Variants in FPR2 observed in about 807,000 individuals in gnomAD.
FPR2 encodes the protein formyl peptide receptor 2.
Under a neutral mutation model 4.0 loss-of-function variants are expected in FPR2, and 3 were observed. That is an observed-to-expected ratio of 0.74 (90% confidence interval 0.34 to 1.92). FPR2 has a LOEUF of 1.92. Ranked by LOEUF, FPR2 falls within the 30% of genes most tolerant of loss-of-function variation. The pLI is 0.07. For missense variants in FPR2, 372 were observed against 435.7 expected, an observed-to-expected ratio of 0.85 and a Z score of 1.30; for synonymous variants, 179 against 171.5, an observed-to-expected ratio of 1.04 and a Z score of -0.34.
chr19:51,765,971 G>T (rs1246784015), intron 1 of FPR2, among the ~76,000 whole-genome samples: 1 of 152,152 alleles, frequency 6.6e-6, no homozygotes, highest in Non-Finnish European at 1.5e-5. Context: ...TGTCCCCCAG[G>T]CTGGAGTGCA....
rs916273216 is a variant in FPR2 at position 51,769,499 on chromosome 19, G to A, written c.841G>A (p.Asp281Asn). The A allele has an allele frequency of 1.1e-5, 17 of 1,614,128 alleles. No individual in the cohort carries two copies. Among genetic ancestry groups the A allele is most frequent in the Non-Finnish European group, 1.3e-5 (15 of 1,180,024 alleles). The part of the protein sequence containing the change: ...MLFYGKYKII[D>N]ILVNPTSSLA... ...GTTCTATGGCAAGTACAAAATCATT[G>A]ACATCCTGGTTAACCCAACGAGCTC... The change falls in exon 2 of 2, where the codon GAC (aspartate) becomes AAC (asparagine). Residue 281 changes from aspartate (D) to asparagine (N), a missense_variant. Coordinates refer to ENST00000340023, the MANE Select transcript of FPR2 (RefSeq NM_001005738.2). The surrounding 1 kb of genome is among the most constrained non-coding windows in gnomAD (Gnocchi z 4.4).
chr19:51,769,600 C>A lies in FPR2; in HGVS notation c.942C>A (p.Ile314=), dbSNP rs2083890064. The change falls in exon 2 of 2, where the codon ATC becomes ATA. Residue 314 remains isoleucine (I), a synonymous_variant. Coordinates refer to ENST00000340023, the MANE Select transcript of FPR2 (RefSeq NM_001005738.2). The surrounding 1 kb of genome is among the most constrained non-coding windows in gnomAD (Gnocchi z 4.4). ...GCCAAGACTTCCGAGAGAGACTGAT[C>A]CACTCCCTGCCCACCAGTCTGGAGA... ...FVGQDFRERL[I]HSLPTSLERA... is the part of the protein sequence containing the mutation. 1 of 1,614,082 alleles carries A rather than the reference C, an allele frequency of 6.2e-7. No individual in the cohort carries two copies. The highest frequency in any genetic ancestry group is 1.3e-5 in the African/African-American group (1 of 74,918).
Position 51,768,678 on chromosome 19 carries a change from C to G in FPR2, c.20C>G (p.Thr7Ser), listed in dbSNP as rs1441554534. 6.2e-7 allele frequency: 1 copy of G among 1,604,288 alleles called. No homozygotes were observed. Among genetic ancestry groups the G allele is most frequent in the East Asian group, 2.2e-5 (1 of 44,688 alleles). The stretch of plus-strand genomic sequence containing the variant: ...GGCAAGATGGAAACCAACTTCTCCA[C>G]TCCTCTGAATGAATATGAAGAAGTG... METNFS[T>S]PLNEYEEVSY... Residue 7 changes from threonine (T) to serine (S), a missense_variant, in exon 2 of 2, where the codon ACT becomes AGT. Coordinates refer to ENST00000340023, the MANE Select transcript of FPR2 (RefSeq NM_001005738.2).
At chr19:51,764,255 A>G (rs2083856761) in intron 1 of FPR2, among the ~76,000 whole-genome samples, 1 of 152,200 alleles carries the variant, frequency 6.6e-6, no homozygotes, top group African/African-American at 2.4e-5. Flanking sequence ...GGAAAGAACA[A>G]GAAGTCTTTA....
chr19:51,765,214 A>C (rs2083861825), intron 1 of FPR2, among the ~76,000 whole-genome samples: 1 of 152,206 alleles, frequency 6.6e-6, no homozygotes, highest in African/African-American at 2.4e-5. Context: ...TGGATAGAGA[A>C]AATCTGAGTC....
At chr19:51,762,146 C>T (rs574758600) in intron 1 of FPR2, among the ~76,000 whole-genome samples, 56 of 145,572 alleles carry the variant, frequency 3.8e-4, no homozygotes, top group Non-Finnish European at 6.1e-4. Context: ...AGTGCAGTGG[C>T]GCAGTCTCGG....
chr19:51,765,710 G>A (rs1315914674), intron 1 of FPR2, among the ~76,000 whole-genome samples: 6 of 152,158 alleles, frequency 3.9e-5, no homozygotes, highest in Non-Finnish European at 7.4e-5. Flanking sequence ...TGAGGGCCAA[G>A]AGTTCCCATT....
chr19:51,770,389 C>G lies in FPR2; in HGVS notation c.*675C>G, dbSNP rs2083894090. ...CTGTTATTTCACTTTTTCTACTATC[C>G]TTGCTAAGTTTTCATAGAAAATAAG... is the stretch of plus-strand genomic sequence containing the variant. On this transcript the variant is annotated 3_prime_UTR_variant, in exon 2 of 2. Transcript: ENST00000340023. The G allele has an allele frequency of 6.0e-6, 1 of 166,936 alleles. No individual in the cohort carries two copies. The highest frequency in any genetic ancestry group is 2.1e-4 in the South Asian group (1 of 4,830). 10.3% of individuals were successfully genotyped at this position (166,936 alleles called of 1,614,324 possible).
intron 1 of FPR2, among the ~76,000 whole-genome samples, chr19:51,764,801 T>G (rs902562801): frequency 2.6e-5 from 4 of 152,208 alleles, no homozygotes; most frequent in Non-Finnish European, 5.9e-5. Context: ...CACCTGTCAT[T>G]GCACAATCAT....
intron 1 of FPR2, chr19:51,763,015 G>A (rs557738348): frequency 2.0e-5 from 3 of 152,318 alleles, no homozygotes; most frequent in South Asian, 2.1e-4. Context: ...TTGGGAGGAT[G>A]AGACAATCAA....
intron 1 of FPR2, among the ~76,000 whole-genome samples, chr19:51,765,637 C>T (rs546534879): frequency 6.6e-6 from 1 of 152,282 alleles, no homozygotes; most frequent in Non-Finnish European, 1.5e-5. Flanking sequence ...CTATGAGCAT[C>T]GTTCTTGTCC....
At chr19:51,766,866 C>T (rs2122360885) in intron 1 of FPR2, among the ~76,000 whole-genome samples, 1 of 152,296 alleles carries the variant, frequency 6.6e-6, no homozygotes, top group East Asian at 1.9e-4. Context: ...ATTCTCATGG[C>T]CATAGCAAAT....
At chr19:51,765,814 TCGTTCTGCAGAG>T (rs2083864853) in intron 1 of FPR2, among the ~76,000 whole-genome samples, 2 of 152,198 alleles carry the variant, frequency 1.3e-5, no homozygotes, top group Admixed American at 1.3e-4. Flanking sequence ...AAAATTGTCC[TCGTTCTGCAGAG>T]CAGAAAACTG....
At chr19:51,763,214 A>G (rs1162208621) in intron 1 of FPR2, 2 of 152,194 alleles carry the variant, frequency 1.3e-5, no homozygotes, top group Non-Finnish European at 2.9e-5. Context: ...AGAGGTGGGG[A>G]ACAAGTAAAA....
intron 1 of FPR2, 27 bp from the exon 2 acceptor site, chr19:51,768,618 G>T: frequency 6.5e-7 from 1 of 1,533,818 alleles, no homozygotes; most frequent in South Asian, 1.2e-5. Context: ...CCACAGCTGA[G>T]AAATGGCCAT....
intron 1 of FPR2, among the ~76,000 whole-genome samples, chr19:51,766,997 G>T (rs1289517791): frequency 6.6e-6 from 1 of 152,066 alleles, no homozygotes; most frequent in African/African-American, 2.4e-5. Flanking sequence ...CTTGTATCCT[G>T]GTGTTTTCTT....
intron 1 of FPR2, among the ~76,000 whole-genome samples, chr19:51,764,107 A>G (rs372745162): frequency 6.6e-6 from 1 of 152,088 alleles, no homozygotes; most frequent in East Asian, 1.9e-4. Context: ...TGTAATGTTT[A>G]TGTAATAGTG....
At chr19:51,767,626 GAACCGTTGCTGGGTGGGC>G (rs1225568880) in intron 1 of FPR2, among the ~76,000 whole-genome samples, 3 of 152,064 alleles carry the variant, frequency 2.0e-5, no homozygotes, top group Non-Finnish European at 2.9e-5. Context: ...GAAGAATGGG[GAACCGTTGCTGGGTGGGC>G]AACCAGCAAT....
At position 51,769,365 on chromosome 19, in the gene FPR2, C is replaced by A; in HGVS notation, c.707C>A (p.Ser236Tyr). ...AKIHKKGMIKSSRPLRVLTAV... is the reference protein window; with the variant it reads ...AKIHKKGMIKYSRPLRVLTAV... ...ATCCACAAAAAGGGCATGATTAAAT[C>A]CAGCCGTCCCTTACGGGTCCTCACT... Residue 236 changes from serine to tyrosine, a missense_variant, in exon 2 of 2, where the codon TCC becomes TAC. By Grantham distance (144) the Ser-to-Tyr change is moderately radical. Coordinates refer to ENST00000340023, the MANE Select transcript of FPR2 (RefSeq NM_001005738.2). The surrounding 1 kb of genome is among the most constrained non-coding windows in gnomAD (Gnocchi z 4.4). 1 of 1,614,210 alleles carries A rather than the reference C, an allele frequency of 6.2e-7. No individual in the cohort carries two copies. The highest frequency in any genetic ancestry group is 8.5e-7 in the Non-Finnish European group (1 of 1,180,032).
Sources: allele counts gnomAD v4.1 joint callset (sites outside exome capture counted in the v4.1 genomes callset), GRCh38; gene constraint gnomAD v4.1.1; non-coding constraint Gnocchi (gnomAD v3.1); transcripts MANE v1.5; gene names NCBI Gene and HGNC (gene_info 2026-07-23, HGNC 2026-07-21).